The following CACHD1 variants were observed in gnomAD, a reference collection of about 807,000 sequenced individuals.
CACHD1 encodes VWFA and cache domain-containing protein 1.
In CACHD1, 71 loss-of-function variants were observed where a neutral mutation model predicts 138.7. The ratio of observed to expected loss-of-function variants is 0.51; its 90% confidence interval spans 0.42 to 0.62. The LOEUF (loss-of-function observed/expected upper bound fraction) is 0.62, where lower values mean the gene tolerates loss of function less well. Among genes scored for constraint, CACHD1 ranks in the 20% least tolerant of loss-of-function variants. The probability of loss-of-function intolerance (pLI) is 0.00; values close to 1 mark genes in which losing one functional copy is unlikely to be tolerated. For synonymous variants in CACHD1, 578 were observed against 591.5 expected, an observed-to-expected ratio of 0.98 and a Z score of 0.33; for missense variants, 1,389 against 1,625.3, an observed-to-expected ratio of 0.85 and a Z score of 2.50.
chr1:64,634,099 A>G lies in CACHD1; in HGVS notation c.845A>G (p.Tyr282Cys). ...CGGACTTGCTCACTAGACCAGTGCT[A>G]TAAGACCTTCTTGTCTCCAGCCACC... is the stretch of plus-strand genomic sequence containing the variant. The part of the protein sequence containing the change: ...TVRTCSLDQC[Y>C]KTFLSPATSE... The change falls in exon 7 of 27, where the codon TAT becomes TGT. Residue 282 changes from tyrosine (Y) to cysteine (C), a missense_variant. By Grantham distance (194) the Tyr-to-Cys change is radical. Coordinates refer to ENST00000651257, the MANE Select transcript of CACHD1 (RefSeq NM_020925.4). 1 of 1,613,056 alleles carries G rather than the reference A, an allele frequency of 6.2e-7. No homozygotes were observed. The highest frequency in any genetic ancestry group is 8.5e-7 in the Non-Finnish European group (1 of 1,179,874).
At chr1:64,667,179 A>G (rs550299109) in intron 16 of CACHD1, among the ~76,000 whole-genome samples, 9 of 152,312 alleles carry the variant, frequency 5.9e-5, no homozygotes, top group African/African-American at 2.2e-4. Context: ...TCCCTTCATT[A>G]TACAAATAGC....
At chr1:64,544,103 C>T (rs1646699665) in intron 1 of CACHD1, among the ~76,000 whole-genome samples, 1 of 152,012 alleles carries the variant, frequency 6.6e-6, no homozygotes, top group Non-Finnish European at 1.5e-5. Flanking sequence ...AACCACAATG[C>T]CTGGAATCAT....
Position 64,675,386 on chromosome 1 carries a change from T to C in CACHD1, c.2728-15T>C. ...ATTGCTGTCTGTCATTTCTGATACC[T>C]TGATTGTTCTGTAGGGGGATTTGAC... On this transcript the variant is annotated splice_polypyrimidine_tract_variant and intron_variant, in intron 19 of 26. Transcript: ENST00000651257. 6.4e-7 allele frequency: 1 copy of C among 1,557,722 alleles called. No homozygotes were observed. Among genetic ancestry groups the C allele is most frequent in the Non-Finnish European group, 8.8e-7 (1 of 1,136,886 alleles).
intron 4 of CACHD1, among the ~76,000 whole-genome samples, chr1:64,608,929 C>T (rs1052955379): frequency 7.2e-5 from 11 of 152,292 alleles, no homozygotes; most frequent in African/African-American, 2.2e-4. Context: ...AAAGAAAAAG[C>T]GTCTGGACTT....
chr1:64,633,248 T>C (rs1648378657), intron 6 of CACHD1, among the ~76,000 whole-genome samples: 1 of 152,226 alleles, frequency 6.6e-6, no homozygotes, highest in African/African-American at 2.4e-5. Flanking sequence ...ACCATCTGTA[T>C]ATTTTTTTAA....
intron 3 of CACHD1, among the ~76,000 whole-genome samples, chr1:64,590,692 AATT>A (rs1209842327): frequency 2.7e-5 from 4 of 150,166 alleles, no homozygotes; most frequent in African/African-American, 1.0e-4. Context: ...TTTGTTTTTT[AATT>A]ATTTGTTTTT....
chr1:64,621,405 G>T (rs1277474027), intron 4 of CACHD1, among the ~76,000 whole-genome samples: 1 of 152,004 alleles, frequency 6.6e-6, no homozygotes, highest in Non-Finnish European at 1.5e-5. Flanking sequence ...GTATAAACTT[G>T]ATCAAAGCCA....
chr1:64,594,614 C>G (rs1647135439), intron 3 of CACHD1, among the ~76,000 whole-genome samples: 1 of 152,200 alleles, frequency 6.6e-6, no homozygotes, highest in African/African-American at 2.4e-5. Flanking sequence ...ATCTAGCTTC[C>G]TGCGTTTTTC....
chr1:64,496,863 CAA>C (rs35934967), intron 1 of CACHD1, among the ~76,000 whole-genome samples: 37 of 85,280 alleles, frequency 4.3e-4, no homozygotes, highest in Admixed American at 7.6e-4. Flanking sequence ...GAAGTTGTCT[CAA>C]AAAAAAAAAA....
chr1:64,519,588 C>T (rs932129206), intron 1 of CACHD1, among the ~76,000 whole-genome samples: 17 of 152,192 alleles, frequency 1.1e-4, no homozygotes, highest in African/African-American at 4.1e-4. Flanking sequence ...AAAGCATTAC[C>T]AGTGACTGCC....
intron 1 of CACHD1, among the ~76,000 whole-genome samples, chr1:64,514,172 A>G (rs1415422307): frequency 2.6e-5 from 4 of 152,242 alleles, no homozygotes; most frequent in Admixed American, 6.5e-5. Flanking sequence ...TAAGTAAAAT[A>G]ACGTTTTGGA....
intron 7 of CACHD1, among the ~76,000 whole-genome samples, chr1:64,636,946 T>A (rs1386358468): frequency 6.6e-6 from 1 of 152,146 alleles, no homozygotes; most frequent in Non-Finnish European, 1.5e-5. Context: ...CTCATTTAGA[T>A]CATCTTAGAA....
intron 1 of CACHD1, among the ~76,000 whole-genome samples, chr1:64,504,624 C>T (rs1187324747): frequency 6.6e-6 from 1 of 152,090 alleles, no homozygotes; most frequent in Non-Finnish European, 1.5e-5. Flanking sequence ...GATGTTAAGA[C>T]TGAAATTCTA....
chr1:64,673,543 G>A (rs1019900605), intron 19 of CACHD1, 79 bp downstream of exon 19: 77 of 1,135,826 alleles, frequency 6.8e-5, no homozygotes, highest in Non-Finnish European at 1.0e-4. Context: ...GCTAGTGTCT[G>A]AATATTATTC....
chr1:64,671,968 C>A lies in CACHD1; in HGVS notation c.2510+282C>A, dbSNP rs145840093. 5.2e-3 allele frequency among the ~76,000 whole-genome samples: 794 copies of A among 152,292 alleles called. 2 individuals are homozygous for A. Among genetic ancestry groups the A allele is most frequent in the Non-Finnish European group, 6.6e-3 (448 of 68,024 alleles). Reference sequence around the variant, plus strand: ...TTCCCTGGAAGTCAGTAATTAGAGGCTTCCCATATCTTTGGTACTAGAAAG... The same window carrying A: ...TTCCCTGGAAGTCAGTAATTAGAGGATTCCCATATCTTTGGTACTAGAAAG... On this transcript the variant is annotated intron_variant, in intron 17 of 26. Transcript: ENST00000651257.
At chr1:64,500,083 C>T (rs1646329740) in intron 1 of CACHD1, among the ~76,000 whole-genome samples, 1 of 152,310 alleles carries the variant, frequency 6.6e-6, no homozygotes, top group Non-Finnish European at 1.5e-5. Flanking sequence ...ATGTTACCAT[C>T]TCAAACTGTG....
chr1:64,590,502 A>T (rs1300913565), intron 3 of CACHD1, among the ~76,000 whole-genome samples: 1 of 152,140 alleles, frequency 6.6e-6, no homozygotes, highest in Non-Finnish European at 1.5e-5. Context: ...TTGACGTCAT[A>T]TGAGCCAGAG....
chr1:64,618,856 C>T (rs577812387), intron 4 of CACHD1, among the ~76,000 whole-genome samples: 23 of 151,988 alleles, frequency 1.5e-4, no homozygotes, highest in Non-Finnish European at 2.9e-4. Flanking sequence ...ATTTGGCAAG[C>T]GCGGGAGGTG....
At chr1:64,543,787 A>G (rs1214203688) in intron 1 of CACHD1, among the ~76,000 whole-genome samples, 1 of 151,132 alleles carries the variant, frequency 6.6e-6, no homozygotes, top group East Asian at 1.9e-4. Flanking sequence ...CATGGGGTAT[A>G]CTTAGGGAAG....
Sources: allele counts gnomAD v4.1 joint callset (sites outside exome capture counted in the v4.1 genomes callset), GRCh38; gene constraint gnomAD v4.1.1; transcripts MANE v1.5; gene names NCBI Gene and HGNC (gene_info 2026-07-23, HGNC 2026-07-21).